The following PLAC1 variants were observed in gnomAD, a reference collection of about 807,000 sequenced individuals.
The protein encoded by PLAC1 is placenta-specific protein 1.
For synonymous variants in PLAC1, 68 were observed against 62.1 expected, an observed-to-expected ratio of 1.09 and a Z score of -0.44; for missense variants, 136 against 163.2, an observed-to-expected ratio of 0.83 and a Z score of 0.91.
intron 2 of PLAC1, among the ~76,000 whole-genome samples, chrX:134,575,748 G>A (rs1289418119): frequency 6.3e-5 from 6 of 95,767 alleles, no homozygotes; most frequent in Admixed American, 6.1e-4. Context: ...CAGCGTGGGC[G>A]ACAGAATAAG....
intron 2 of PLAC1, among the ~76,000 whole-genome samples, chrX:134,693,671 A>G (rs751928351): frequency 9.0e-5 from 10 of 111,377 alleles, no homozygotes; most frequent in Admixed American, 8.6e-4. Context: ...TGATATACAG[A>G]AGAAATTGAG....
chrX:134,696,657 G>T (rs1390543566), intron 2 of PLAC1, among the ~76,000 whole-genome samples: 1 of 111,482 alleles, frequency 9.0e-6, no homozygotes, highest in Non-Finnish European at 1.9e-5. Context: ...TGTGCTCTAA[G>T]TGTTCCACAG....
rs766356452 is a variant in PLAC1 at position 134,753,503 on chromosome X, A to G, written n.89+10731T>C. 1.5e-4 allele frequency among the ~76,000 whole-genome samples: 17 copies of G among 110,311 alleles called. No homozygotes were observed. The South Asian group carries it at 5.8e-3, about 37-fold the overall frequency. ...TCCTAATGTATCGCTCAGACCTGCC[A>G]TCTGGGCTGGAGTCAAATTTAATAA... On this transcript the variant is annotated intron_variant and non_coding_transcript_variant, in intron 1 of 2. Transcript: ENST00000466797.
chrX:134,620,849 C>G (rs1179817790), intron 1 of PLAC1, among the ~76,000 whole-genome samples: 2 of 112,655 alleles, frequency 1.8e-5, no homozygotes, highest in Admixed American at 9.4e-5. Flanking sequence ...ACTTTCTTGA[C>G]ATATTCATTC....
intron 2 of PLAC1, among the ~76,000 whole-genome samples, chrX:134,568,620 T>C (rs1362626440): frequency 9.0e-6 from 1 of 111,553 alleles, no homozygotes; most frequent in Non-Finnish European, 1.9e-5. Flanking sequence ...TGGGACAACT[T>C]TTTTGGGTTT....
chrX:134,747,162 G>A (rs1251150001), intron 1 of PLAC1, among the ~76,000 whole-genome samples: 1 of 111,879 alleles, frequency 8.9e-6, no homozygotes, highest in Non-Finnish European at 1.9e-5. Context: ...CATACTCTGG[G>A]AGAGGTGGGG....
At chrX:134,717,543 G>C (rs889815452) in intron 2 of PLAC1, among the ~76,000 whole-genome samples, 1 of 112,138 alleles carries the variant, frequency 8.9e-6, no homozygotes, top group Non-Finnish European at 1.9e-5. Context: ...TTACAGGCTT[G>C]AGACACCGCA....
chrX:134,732,304 T>C (rs1283001465), intron 2 of PLAC1, among the ~76,000 whole-genome samples: 3 of 111,840 alleles, frequency 2.7e-5, no homozygotes, highest in Non-Finnish European at 3.8e-5. Context: ...TTCTACATGA[T>C]GGACCATTTT....
At chrX:134,649,136 C>T (rs1042241788) in intron 1 of PLAC1, among the ~76,000 whole-genome samples, 32 of 108,368 alleles carry the variant, frequency 3.0e-4, no homozygotes, top group African/African-American at 1.0e-3. Flanking sequence ...GGCGTGGTGG[C>T]GGGTGCCTGT....
chrX:134,595,866 T>C (rs1038372606), intron 2 of PLAC1, among the ~76,000 whole-genome samples: 5 of 110,380 alleles, frequency 4.5e-5, no homozygotes, highest in Non-Finnish European at 9.5e-5. Context: ...ATACATTAAA[T>C]GTAATTGGTG....
At chrX:134,750,858 TA>T (rs2078740979) in intron 1 of PLAC1, among the ~76,000 whole-genome samples, 2 of 21,354 alleles carry the variant, frequency 9.4e-5, no homozygotes, top group African/African-American at 4.2e-4. Context: ...TATATATATA[TA>T]TTTTTATATA....
chrX:134,700,145 G>A (rs1415789782), intron 2 of PLAC1, among the ~76,000 whole-genome samples: 1 of 111,491 alleles, frequency 9.0e-6, no homozygotes, highest in East Asian at 2.8e-4. Context: ...CTATTTTATA[G>A]CTCTGTCTGA....
intron 1 of PLAC1, among the ~76,000 whole-genome samples, chrX:134,636,737 AT>A: frequency 8.9e-6 from 1 of 112,416 alleles, no homozygotes; most frequent in Non-Finnish European, 1.9e-5. Context: ...TAATTAAAAG[AT>A]ATCACGCTCC....
chrX:134,701,872 G>C (rs2078584489), intron 2 of PLAC1, among the ~76,000 whole-genome samples: 1 of 111,659 alleles, frequency 9.0e-6, no homozygotes, highest in African/African-American at 3.3e-5. Flanking sequence ...ACAAAAATTA[G>C]CTGGGCGTGG....
intron 2 of PLAC1, among the ~76,000 whole-genome samples, chrX:134,672,618 C>T (rs1235422775): frequency 8.9e-6 from 1 of 112,333 alleles, no homozygotes; most frequent in Non-Finnish European, 1.9e-5. Flanking sequence ...TCAATATGAA[C>T]CTCAATAAGA....
intron 2 of PLAC1, among the ~76,000 whole-genome samples, chrX:134,572,187 C>G (rs1006199404): frequency 2.7e-5 from 3 of 111,257 alleles, no homozygotes; most frequent in African/African-American, 9.8e-5. Flanking sequence ...AAAAAGGAAT[C>G]CTAACACTTT....
At chrX:134,738,739 G>T (rs1319100629) in intron 1 of PLAC1, among the ~76,000 whole-genome samples, 2 of 112,486 alleles carry the variant, frequency 1.8e-5, no homozygotes, top group Non-Finnish European at 3.8e-5. Flanking sequence ...GGGAGCCAGA[G>T]ATGAGGCATT....
At chrX:134,618,421 T>C (rs1011592993) in intron 1 of PLAC1, among the ~76,000 whole-genome samples, 2 of 111,052 alleles carry the variant, frequency 1.8e-5, no homozygotes, top group Non-Finnish European at 3.8e-5. Flanking sequence ...CACTTTTTTT[T>C]TTGAGACAGG....
chrX:134,663,470 G>C (rs1228996699), upstream of PLAC1, among the ~76,000 whole-genome samples: 1 of 112,999 alleles, frequency 8.8e-6, no homozygotes, highest in Non-Finnish European at 1.9e-5. Flanking sequence ...GTGCACGTGT[G>C]CACACGTGCA....
Sources: allele counts gnomAD v4.1 joint callset (sites outside exome capture counted in the v4.1 genomes callset), GRCh38; gene constraint gnomAD v4.1.1; transcripts MANE v1.5; gene names NCBI Gene and HGNC (gene_info 2026-07-23, HGNC 2026-07-21).